SPATS2L: variants seen among roughly 807,000 people sequenced by gnomAD.
SPATS2L encodes the protein SPATS2-like protein.
SPATS2L carries 30 observed loss-of-function variants against 59.6 expected under a neutral mutation model. That is an observed-to-expected ratio of 0.50 (90% CI 0.38 to 0.68). SPATS2L has a LOEUF of 0.68. Among genes scored for constraint, SPATS2L ranks in the 30% least tolerant of loss-of-function variants. The pLI, the probability that SPATS2L is intolerant of heterozygous loss-of-function variation, is 0.00. For synonymous variants in SPATS2L, 252 were observed against 263.5 expected (o/e 0.96, Z 0.42); for missense variants, 615 against 700.0 (o/e 0.88, Z 1.37).
At chr2:200,396,975 G>A (rs2082375072) in intron 3 of SPATS2L, among the ~76,000 whole-genome samples, 2 of 152,176 alleles carry the variant, frequency 1.3e-5, no homozygotes, top group South Asian at 4.1e-4. Flanking sequence ...ACTGTTGCTT[G>A]GCAACTAGAA....
At chr2:200,417,223 G>A (rs1265930376) in intron 5 of SPATS2L, among the ~76,000 whole-genome samples, 1 of 152,116 alleles carries the variant, frequency 6.6e-6, no homozygotes, top group Non-Finnish European at 1.5e-5. Context: ...TCACAGGCCT[G>A]CAAAACAGGT....
intron 2 of SPATS2L, among the ~76,000 whole-genome samples, chr2:200,368,561 G>A (rs1407979332): frequency 6.6e-6 from 1 of 152,140 alleles, no homozygotes; most frequent in Non-Finnish European, 1.5e-5. Context: ...GAAGTAGAAG[G>A]AATCTTTATC....
chr2:200,428,073 C>A (rs60986484), intron 6 of SPATS2L, among the ~76,000 whole-genome samples: 9,227 of 59,350 alleles, frequency 0.16, 577 homozygotes, highest in East Asian at 0.34. Flanking sequence ...GTCTCAAAAA[C>A]AAAAAAAAAA....
chr2:200,461,568 G>T (rs75433814), intron 9 of SPATS2L, among the ~76,000 whole-genome samples: 65 of 152,234 alleles, frequency 4.3e-4, no homozygotes, highest in Non-Finnish European at 8.1e-4. Context: ...GGGCCCCTAA[G>T]ACCCTATTTT....
chr2:200,474,715 A>T (rs755495901), intron 12 of SPATS2L, among the ~76,000 whole-genome samples: 1 of 152,200 alleles, frequency 6.6e-6, no homozygotes, highest in Non-Finnish European at 1.5e-5. Flanking sequence ...AGTACTATCT[A>T]TGTAGATACT....
chr2:200,351,203 G>C, intron 2 of SPATS2L: 2 of 470,716 alleles, frequency 4.2e-6, no homozygotes, highest in Admixed American at 4.7e-5. Context: ...TTCTGTAGCT[G>C]AGCACTTGCT....
At chr2:200,329,921 T>C (rs2079879593) in intron 2 of SPATS2L, among the ~76,000 whole-genome samples, 1 of 152,218 alleles carries the variant, frequency 6.6e-6, no homozygotes, top group Admixed American at 6.5e-5. Context: ...CTGTCCTTCT[T>C]ATTGAAGAAT....
chr2:200,468,942 T>G (rs1041174057), intron 10 of SPATS2L, among the ~76,000 whole-genome samples: 44 of 152,326 alleles, frequency 2.9e-4, no homozygotes, highest in African/African-American at 8.7e-4. Flanking sequence ...ACGCCACCCA[T>G]CATAAAATAG....
intron 2 of SPATS2L, among the ~76,000 whole-genome samples, chr2:200,383,266 A>G (rs2081882966): frequency 6.6e-6 from 1 of 152,222 alleles, no homozygotes; most frequent in Admixed American, 6.5e-5. Flanking sequence ...TACATTTTCT[A>G]GCAGTCACAT....
chr2:200,459,422 T>A (rs1325411843), intron 8 of SPATS2L, among the ~76,000 whole-genome samples: 1 of 152,204 alleles, frequency 6.6e-6, no homozygotes, highest in Non-Finnish European at 1.5e-5. Flanking sequence ...AAGTGCCAGC[T>A]TTTCAAATAC....
Position 200,429,221 on chromosome 2 carries a change from G to T in SPATS2L, c.445+9725G>T, listed in dbSNP as rs538924903. On this transcript the variant is annotated intron_variant, in intron 6 of 12. Transcript: ENST00000409140. ...AAGTCAGGAGATAAGAACCATACTG[G>T]TTATTTGAATAGGAGAAATGTAATG... Among the ~76,000 whole-genome samples the T allele has an allele frequency of 3.3e-4, 50 of 152,252 alleles. 1 individual carries two copies. The highest frequency in any genetic ancestry group is 3.3e-3 in the Admixed American group (50 of 15,288).
intron 2 of SPATS2L, among the ~76,000 whole-genome samples, chr2:200,379,002 C>T (rs2081702153): frequency 6.6e-6 from 1 of 152,178 alleles, no homozygotes; most frequent in Non-Finnish European, 1.5e-5. Flanking sequence ...TGGGATGGGA[C>T]TTTTGAGCTG....
chr2:200,322,148 T>C (rs1162918084), intron 1 of SPATS2L, among the ~76,000 whole-genome samples: 1 of 152,198 alleles, frequency 6.6e-6, no homozygotes, highest in Non-Finnish European at 1.5e-5. Context: ...TGTTTTGGAA[T>C]CAAGCCTCAT....
In SPATS2L at chr2:200,478,137, T is replaced by C; in HGVS notation, c.*106T>C. 1 of 1,081,634 alleles carries C rather than the reference T, an allele frequency of 9.2e-7. No individual in the cohort carries two copies. The highest frequency in any genetic ancestry group is 1.3e-6 in the Non-Finnish European group (1 of 779,816). 67.0% of individuals were successfully genotyped at this position (1,081,634 alleles called of 1,614,324 possible). On this transcript the variant is annotated 3_prime_UTR_variant, in exon 13 of 13. Coordinates refer to ENST00000409140, the MANE Select transcript of SPATS2L (RefSeq NM_001100423.2). ...TCAATCAGAATATACAAATCCCGTA[T>C]GGTTGTGTCATCCTCTCTTAATCAT... is the stretch of plus-strand genomic sequence containing the variant.
At chr2:200,378,150 G>A in intron 2 of SPATS2L, 1 of 873,522 alleles carries the variant, frequency 1.1e-6, no homozygotes, top group Non-Finnish European at 1.4e-6. Context: ...GGTGACCAAG[G>A]CCACCAACCC....
intron 6 of SPATS2L, among the ~76,000 whole-genome samples, chr2:200,430,939 A>G (rs1474335829): frequency 6.6e-6 from 1 of 152,056 alleles, no homozygotes; most frequent in African/African-American, 2.4e-5. Flanking sequence ...GCTGGTCTGG[A>G]ACTCCTGACC....
chr2:200,332,649 A>G (rs966590885), intron 2 of SPATS2L, among the ~76,000 whole-genome samples: 1 of 152,072 alleles, frequency 6.6e-6, no homozygotes. Context: ...TAGTAATTTA[A>G]TGAACTTTCT....
At chr2:200,472,796 G>T in intron 11 of SPATS2L, 36 bp from the exon 12 acceptor site, 1 of 1,572,656 alleles carries the variant, frequency 6.4e-7, no homozygotes, top group South Asian at 1.1e-5. Context: ...AGTGTTGGAG[G>T]TGCAGCTCGT....
At chr2:200,465,635 T>A (rs950752460) in intron 9 of SPATS2L, among the ~76,000 whole-genome samples, 6 of 152,218 alleles carry the variant, frequency 3.9e-5, no homozygotes, top group African/African-American at 1.4e-4. Context: ...GGAGCCCCAG[T>A]TAAAGAATCA....
Sources: gnomAD v4.1 joint callset for allele counts (sites outside exome capture counted in the v4.1 genomes callset) on GRCh38, gnomAD v4.1.1 for gene constraint, MANE v1.5 for transcripts, NCBI Gene and HGNC (gene_info 2026-07-23, HGNC 2026-07-21) for gene names.